The following LARP4B variants were observed in gnomAD, a reference collection of about 807,000 sequenced individuals.
LARP4B encodes the protein La ribonucleoprotein 4B.
Under a neutral mutation model 89.8 loss-of-function variants are expected in LARP4B, and 12 were observed. The ratio of observed to expected loss-of-function variants is 0.13; its 90% CI spans 0.09 to 0.22. The LOEUF (loss-of-function observed/expected upper bound fraction) is 0.22, where lower values mean the gene tolerates loss of function less well. Ranked by LOEUF, LARP4B falls within the 10% of genes least tolerant of loss-of-function variation. The pLI is 1.00. For missense variants in LARP4B, 757 were observed against 947.7 expected (o/e 0.80, Z 2.64); for synonymous variants, 367 against 363.3 (o/e 1.01, Z -0.12).
At chr10:974,760 C>A in the LARP4B span, among the ~76,000 whole-genome samples, 1 of 152,242 alleles carries the variant, frequency 6.6e-6, no homozygotes, top group Non-Finnish European at 1.5e-5. Context: ...GAAACACCTG[C>A]TAATACAGAC....
At chr10:902,656 T>TA (rs1307327743) in intron 1 of LARP4B, among the ~76,000 whole-genome samples, 2 of 142,292 alleles carry the variant, frequency 1.4e-5, no homozygotes, top group African/African-American at 5.2e-5. Context: ...TTTTTTTTTT[T>TA]AATTTTGAGA....
chr10:965,730 A>G, the LARP4B span, among the ~76,000 whole-genome samples: 3 of 151,486 alleles, frequency 2.0e-5, no homozygotes, highest in Non-Finnish European at 2.9e-5. Flanking sequence ...CGCTGTGAAG[A>G]AAACATGGCA....
At chr10:815,096 CAG>C (rs1831963527) in intron 15 of LARP4B, 26 bp from the exon 16 acceptor site, 1 of 1,529,760 alleles carries the variant, frequency 6.5e-7, no homozygotes, top group African/African-American at 1.4e-5. Flanking sequence ...GAGTGTTCAT[CAG>C]AGTCCTGCCG....
chr10:864,383 G>T, intron 3 of LARP4B, 113 bp from the exon 4 acceptor site: 18 of 823,808 alleles, frequency 2.2e-5, no homozygotes, highest in Admixed American at 2.7e-5. Flanking sequence ...CTCAGCCTAT[G>T]TATTTATACA....
chr10:959,171 G>A, the LARP4B span, among the ~76,000 whole-genome samples: 2 of 152,286 alleles, frequency 1.3e-5, no homozygotes, highest in Non-Finnish European at 2.9e-5. Flanking sequence ...CACCTTCAGA[G>A]AAGTTTGGAA....
the LARP4B span, chr10:987,604 A>G: frequency 6.6e-6 from 1 of 152,342 alleles, no homozygotes; most frequent in East Asian, 1.9e-4. Context: ...TATAGTCAGC[A>G]GCTCTGAACA....
chr10:940,121 G>A, the LARP4B span, among the ~76,000 whole-genome samples: 10 of 150,824 alleles, frequency 6.6e-5, no homozygotes, highest in Non-Finnish European at 8.8e-5. Flanking sequence ...GGGTTCAAGC[G>A]ATTCTCCTGC....
chr10:978,538 T>C, the LARP4B span, among the ~76,000 whole-genome samples: 3 of 152,170 alleles, frequency 2.0e-5, no homozygotes, highest in Non-Finnish European at 1.5e-5. Flanking sequence ...AATTTGGAAG[T>C]TATACATTCT....
At chr10:830,196 T>C (rs907260227) in intron 9 of LARP4B, among the ~76,000 whole-genome samples, 14 of 152,152 alleles carry the variant, frequency 9.2e-5, no homozygotes, top group Non-Finnish European at 1.5e-4. Flanking sequence ...TAAACCCCTA[T>C]AAAACTGTGA....
intron 7 of LARP4B, among the ~76,000 whole-genome samples, chr10:840,981 G>A (rs911961382): frequency 1.3e-5 from 2 of 152,064 alleles, no homozygotes; most frequent in African/African-American, 4.8e-5. Flanking sequence ...GTAAAACCTC[G>A]TCTCTACTAA....
chr10:887,980 C>T (rs545930807), intron 1 of LARP4B, among the ~76,000 whole-genome samples: 4 of 151,206 alleles, frequency 2.6e-5, no homozygotes, highest in Non-Finnish European at 2.9e-5. Flanking sequence ...GCTGAGATCT[C>T]GCCACTGCAC....
At chr10:902,932 G>A (rs868783566) in intron 1 of LARP4B, among the ~76,000 whole-genome samples, 20 of 152,208 alleles carry the variant, frequency 1.3e-4, no homozygotes, top group African/African-American at 4.8e-4. Context: ...TGTGAGCCAC[G>A]GTGCCTGGCA....
At chr10:837,462 T>C (rs1056404672) in intron 7 of LARP4B, among the ~76,000 whole-genome samples, 8 of 152,154 alleles carry the variant, frequency 5.3e-5, no homozygotes, top group Non-Finnish European at 1.2e-4. Flanking sequence ...TTTTGAAAAA[T>C]TGTAATGATG....
At chr10:939,656 T>C in the LARP4B span, among the ~76,000 whole-genome samples, 3 of 152,292 alleles carry the variant, frequency 2.0e-5, no homozygotes, top group East Asian at 5.8e-4. Flanking sequence ...ACTTGCACCT[T>C]GATGACTTGC....
chr10:866,878 G>A (rs538444425), intron 3 of LARP4B, among the ~76,000 whole-genome samples: 13 of 152,270 alleles, frequency 8.5e-5, no homozygotes, highest in African/African-American at 2.2e-4. Flanking sequence ...ATGGCTGTTG[G>A]GGCTCCCGTG....
At chr10:954,680 G>A in the LARP4B span, among the ~76,000 whole-genome samples, 3 of 152,116 alleles carry the variant, frequency 2.0e-5, no homozygotes, top group Non-Finnish European at 2.9e-5. This position sits in a 1 kb window ranked among gnomAD's most constrained non-coding sequence, Gnocchi z 5.0. Context: ...AGTCCTTCAG[G>A]GTACCGGCCG....
At chr10:904,640 A>G (rs974636245) in intron 1 of LARP4B, among the ~76,000 whole-genome samples, 3 of 152,250 alleles carry the variant, frequency 2.0e-5, no homozygotes, top group African/African-American at 7.2e-5. Context: ...CACAGTGTAC[A>G]GTGACCTTTT....
chr10:905,038 A>G lies in LARP4B; in HGVS notation c.-39-19278T>C, dbSNP rs1836450860. ...TATGTGTATAAGGTGTATACAAAAC[A>G]ATTCTGTGTTTAGACTCGGATCCCA... On this transcript the variant is annotated intron_variant, in intron 1 of 17. Transcript: ENST00000316157. Among the ~76,000 whole-genome samples, 3 of 152,214 alleles carry G rather than the reference A, an allele frequency of 2.0e-5. No homozygotes were observed. The South Asian group carries it at 6.2e-4, about 32-fold the overall frequency.
chr10:848,278 G>T (rs1833877867), intron 5 of LARP4B, among the ~76,000 whole-genome samples: 1 of 152,088 alleles, frequency 6.6e-6, no homozygotes, highest in Non-Finnish European at 1.5e-5. Flanking sequence ...GATATGAAAG[G>T]ATCACACTGT....
Sources: allele counts gnomAD v4.1 joint callset (sites outside exome capture counted in the v4.1 genomes callset), GRCh38; gene constraint gnomAD v4.1.1; non-coding constraint Gnocchi (gnomAD v3.1); transcripts MANE v1.5; gene names NCBI Gene and HGNC (gene_info 2026-07-23, HGNC 2026-07-21).